Variants in ZBTB9 observed in about 807,000 individuals in gnomAD.
The protein encoded by ZBTB9 is zinc finger and BTB domain containing 9, also known as zinc finger and BTB domain-containing protein 9.
ZBTB9 carries 17 observed loss-of-function variants against 26.3 expected under a neutral mutation model. The ratio of observed to expected loss-of-function variants is 0.65; its 90% CI spans 0.44 to 0.97. The LOEUF is 0.97. Ranked by LOEUF, ZBTB9 falls within the 50% of genes least tolerant of loss-of-function variation. ZBTB9 has a pLI of 0.00. For missense variants in ZBTB9, 510 were observed against 594.2 expected (o/e 0.86, Z 1.47); for synonymous variants, 226 against 234.3 (o/e 0.96, Z 0.32).
At chr6:33,454,261 AG>A (rs1380723786), upstream of ZBTB9, 2 of 152,220 alleles carry the variant, frequency 1.3e-5, no homozygotes, top group African/African-American at 4.8e-5. Flanking sequence ...CGCCCCTCTC[AG>A]GACCTACCGG....
chr6:33,456,193 C>G lies in ZBTB9; in HGVS notation c.1093C>G (p.Gln365Glu). 3.1e-6 allele frequency: 5 copies of G among 1,609,340 alleles called. No homozygotes were observed. The highest frequency in any genetic ancestry group is 4.2e-6 in the Non-Finnish European group (5 of 1,177,840). ...SGGGGPGGAG[Q>E]AVHGPVKLGG... Reference sequence around the variant, plus strand: ...GGGTGGAGGACCTGGGGGAGCAGGCCAGGCCGTGCATGGGCCTGTGAAGCT... The same window carrying G: ...GGGTGGAGGACCTGGGGGAGCAGGCGAGGCCGTGCATGGGCCTGTGAAGCT... Residue 365 changes from glutamine (Q) to glutamate (E), a missense_variant, in exon 2 of 2, where the codon CAG (glutamine) becomes GAG (glutamate). This residue lies in a region of ZBTB9 where 439 missense variants were observed against 460.4 expected (regional missense o/e 0.95). Coordinates refer to ENST00000395064, the MANE Select transcript of ZBTB9 (RefSeq NM_152735.4). The surrounding 1 kb of genome is among the most constrained non-coding windows in gnomAD (Gnocchi z 5.1).
At position 33,455,653 on chromosome 6, in the gene ZBTB9, T is replaced by C. The variant is rs1416774236; in HGVS notation, c.553T>C (p.Ser185Pro). ...CCAGACCCCAGTACAGTCCTCTGCTTCTACTGAAAGCCCTGCTTCCACTGA... is the reference window on the plus strand; with the variant it reads ...CCAGACCCCAGTACAGTCCTCTGCTCCTACTGAAAGCCCTGCTTCCACTGA... Reference protein sequence around the residue: ...PFQTPVQSSASTESPASTESP... With the variant: ...PFQTPVQSSAPTESPASTESP... Residue 185 changes from serine (S) to proline (P), a missense_variant, in exon 2 of 2, where the codon TCT (serine) becomes CCT (proline). Ser to Pro is a moderately conservative substitution (Grantham distance 74). Around this residue, in one of 2 missense-constraint regions of ZBTB9, gnomAD observed 439 missense variants for 460.4 expected, o/e 0.95. Coordinates refer to ENST00000395064, the MANE Select transcript of ZBTB9 (RefSeq NM_152735.4). The C allele has an allele frequency of 6.2e-7, 1 of 1,614,164 alleles. No individual in the cohort carries two copies. The highest frequency in any genetic ancestry group is 1.3e-5 in the African/African-American group (1 of 75,048).
Position 33,455,008 on chromosome 6 carries a change from C to T in ZBTB9, c.-71-22C>T, listed in dbSNP as rs958750579. On this transcript the variant is annotated intron_variant, in intron 1 of 1. Coordinates refer to ENST00000395064, the MANE Select transcript of ZBTB9 (RefSeq NM_152735.4). Reference sequence around the variant, plus strand: ...CTCCCTTTATCCAGGGCTTCTGTGACCTCCATCTTTTTCCTCTGCAGCCTT... The same window carrying T: ...CTCCCTTTATCCAGGGCTTCTGTGATCTCCATCTTTTTCCTCTGCAGCCTT... 6.0e-6 allele frequency: 9 copies of T among 1,503,944 alleles called. No individual in the cohort carries two copies. In the Middle Eastern group the frequency reaches 9.1e-4, roughly 152 times the overall value. 93.2% of individuals were successfully genotyped at this position (1,503,944 alleles called of 1,614,324 possible).
rs1761451495 is a variant in ZBTB9 at position 33,455,040 on chromosome 6, G to T, written c.-61G>T. On this transcript the variant is annotated 5_prime_UTR_variant, in exon 2 of 2. Coordinates refer to ENST00000395064, the MANE Select transcript of ZBTB9 (RefSeq NM_152735.4). ...CTTTTTCCTCTGCAGCCTTCATCCC[G>T]CGTGGAGTCTACCCCCAAGCCCTTC... The T allele has an allele frequency of 7.9e-6, 12 of 1,524,784 alleles. No individual in the cohort carries two copies. In the East Asian group the frequency reaches 1.8e-4, roughly 23 times the overall value. The allele number at this position is 1,524,784 out of a possible 1,614,324, so 94.5% of individuals were successfully genotyped here.
rs1761466276 is a variant in ZBTB9 at position 33,455,509 on chromosome 6, A to C, written c.409A>C (p.Ile137Leu). The C allele has an allele frequency of 1.9e-6, 3 of 1,614,064 alleles. No homozygotes were observed. In the East Asian group the frequency reaches 6.7e-5, roughly 36 times the overall value. ...MWQVVDQCSE[I>L]LRELETSGGG... ...GCAGGTAGTAGATCAGTGCTCAGAAATTCTTAGAGAATTAGAAACTTCAGG... is the reference window on the plus strand; with the variant it reads ...GCAGGTAGTAGATCAGTGCTCAGAACTTCTTAGAGAATTAGAAACTTCAGG... Residue 137 changes from isoleucine to leucine, a missense_variant, in exon 2 of 2, where the codon ATT becomes CTT. Physicochemically the swap from Ile to Leu is conservative, Grantham distance 5. Transcript: ENST00000395064.
At position 33,456,087 on chromosome 6, in the gene ZBTB9, T is replaced by C; in HGVS notation, c.987T>C (p.Pro329=). ...EGNGELGFLL[P]SGPGPTSGGG... The stretch of plus-strand genomic sequence containing the variant: ...ATGGGGAGCTAGGGTTCTTGTTGCC[T>C]TCAGGGCCAGGGCCAACATCTGGGG... The change falls in exon 2 of 2, where the codon CCT becomes CCC. Residue 329 remains proline, a synonymous_variant. Coordinates refer to ENST00000395064, the MANE Select transcript of ZBTB9 (RefSeq NM_152735.4). The surrounding 1 kb of genome is among the most constrained non-coding windows in gnomAD (Gnocchi z 5.1). 6.2e-7 allele frequency: 1 copy of C among 1,613,944 alleles called. No individual in the cohort carries two copies.
At position 33,455,904 on chromosome 6, in the gene ZBTB9, A is replaced by AG. The variant is rs1335817024; in HGVS notation, c.804_805insG (p.Pro269AlafsTer3). The AG allele has an allele frequency of 2.5e-6, 4 of 1,613,166 alleles. No individual in the cohort carries two copies. The highest frequency in any genetic ancestry group is 3.3e-5 in the Admixed American group (2 of 59,904). The stretch of plus-strand genomic sequence containing the variant: ...GAAAGCTTCCAGAGGGTGAGAGTGC[A>AG]CCACTTGAGCTTCCTGCCCCTCCTG... On this transcript the variant is annotated frameshift_variant, in exon 2 of 2. Coordinates refer to ENST00000395064, the MANE Select transcript of ZBTB9 (RefSeq NM_152735.4). LOFTEE classifies it high-confidence loss of function.
chr6:33,453,764 G>A (rs1310175243), upstream of ZBTB9: 1 of 152,050 alleles, frequency 6.6e-6, no homozygotes, highest in Non-Finnish European at 1.5e-5. Flanking sequence ...AAAGGAAGCT[G>A]ACAGCCTGAG....
chr6:33,455,175 C>T lies in ZBTB9; in HGVS notation c.75C>T (p.Ile25=), dbSNP rs753657984. Residue 25 remains isoleucine, a synonymous_variant, in exon 2 of 2, where the codon ATC becomes ATT. Coordinates refer to ENST00000395064, the MANE Select transcript of ZBTB9 (RefSeq NM_152735.4). ...TCNPAPRTIQ[I]EFPQHSSSLL... Reference sequence around the variant, plus strand: ...ACCCAGCCCCACGGACAATCCAGATCGAGTTCCCACAGCATAGCTCGTCTC... The same window carrying T: ...ACCCAGCCCCACGGACAATCCAGATTGAGTTCCCACAGCATAGCTCGTCTC... 5.6e-6 allele frequency: 9 copies of T among 1,613,978 alleles called. No individual in the cohort carries two copies. In the African/African-American group the frequency reaches 9.3e-5, roughly 17 times the overall value.
chr6:33,456,652 C>T lies in ZBTB9; in HGVS notation c.*130C>T. ...CCAAGAGAATAGATACATTATGGAC[C>T]TCTTGTTCTTAGATATGGGCCTCTC... is the stretch of plus-strand genomic sequence containing the variant. On this transcript the variant is annotated 3_prime_UTR_variant, in exon 2 of 2. Transcript: ENST00000395064. This position sits in a 1 kb window ranked among gnomAD's most constrained non-coding sequence, Gnocchi z 5.1. 3 of 1,433,004 alleles carry T rather than the reference C, an allele frequency of 2.1e-6. No individual in the cohort carries two copies. The highest frequency in any genetic ancestry group is 1.4e-5 in the African/African-American group (1 of 70,096). 88.8% of individuals were successfully genotyped at this position (1,433,004 alleles called of 1,614,324 possible). A position where few individuals can be genotyped will look rare whatever the true frequency, so the allele number is the denominator to read the frequency against.
Position 33,455,641 on chromosome 6 carries a change from C to CA in ZBTB9, c.542dup (p.Ser182ValfsTer6). On this transcript the variant is annotated frameshift_variant, in exon 2 of 2. Transcript: ENST00000395064. LOFTEE classifies it high-confidence loss of function. ...CTCTTCGCCTTTCCAGACCCCAGTA[C>CA]AGTCCTCTGCTTCTACTGAAAGCCC... 1 of 1,614,200 alleles carries CA rather than the reference C, an allele frequency of 6.2e-7. No homozygotes were observed. Among genetic ancestry groups the CA allele is most frequent in the Non-Finnish European group, 8.5e-7 (1 of 1,180,014 alleles).
In ZBTB9 at chr6:33,456,322, C is replaced by T. The variant is rs1323271986; in HGVS notation, c.1222C>T (p.Leu408Phe). 6.2e-7 allele frequency: 1 copy of T among 1,614,000 alleles called. No individual in the cohort carries two copies. The highest frequency in any genetic ancestry group is 1.7e-5 in the Admixed American group (1 of 60,024). The stretch of plus-strand genomic sequence containing the variant: ...CCGGCACATCATGCTGACCTTCAGC[C>T]TTCGGCCTTTTGGCTGTGGCATCTG... The part of the protein sequence containing the change: ...RDRHIMLTFS[L>F]RPFGCGICNK... The change falls in exon 2 of 2, where the codon CTT becomes TTT. Residue 408 changes from leucine to phenylalanine, a missense_variant. This residue lies in a region of ZBTB9 where 71 missense variants were observed against 133.8 expected (regional missense o/e 0.53). Coordinates refer to ENST00000395064, the MANE Select transcript of ZBTB9 (RefSeq NM_152735.4). This position sits in a 1 kb window ranked among gnomAD's most constrained non-coding sequence, Gnocchi z 5.1.
In ZBTB9 at chr6:33,456,179, C is replaced by G; in HGVS notation, c.1079C>G (p.Pro360Arg). 3 of 1,607,656 alleles carry G rather than the reference C, an allele frequency of 1.9e-6. No individual in the cohort carries two copies. Among genetic ancestry groups the G allele is most frequent in the Non-Finnish European group, 2.5e-6 (3 of 1,176,846 alleles). ...GNEILSGGGGPGGAGQAVHGP... is the reference protein window; with the variant it reads ...GNEILSGGGGRGGAGQAVHGP... ...GAAATCCTGTCAGGGGGTGGAGGAC[C>G]TGGGGGAGCAGGCCAGGCCGTGCAT... Residue 360 changes from proline to arginine, a missense_variant, in exon 2 of 2, where the codon CCT becomes CGT. This residue lies in a region of ZBTB9 where 439 missense variants were observed against 460.4 expected (regional missense o/e 0.95). Coordinates refer to ENST00000395064, the MANE Select transcript of ZBTB9 (RefSeq NM_152735.4). The surrounding 1 kb of genome is among the most constrained non-coding windows in gnomAD (Gnocchi z 5.1).
Position 33,456,531 on chromosome 6 carries a change from G to A in ZBTB9, c.*9G>A. On this transcript the variant is annotated 3_prime_UTR_variant, in exon 2 of 2. Transcript: ENST00000395064. This position sits in a 1 kb window ranked among gnomAD's most constrained non-coding sequence, Gnocchi z 5.1. The stretch of plus-strand genomic sequence containing the variant: ...ACTGGACTTACAAGTGACTGCTGAG[G>A]CTATACACTAGCTTCTAGAACAAGA... 1 of 1,586,884 alleles carries A rather than the reference G, an allele frequency of 6.3e-7. No homozygotes were observed. Among genetic ancestry groups the A allele is most frequent in the East Asian group, 2.2e-5 (1 of 44,658 alleles).
upstream of ZBTB9, chr6:33,453,497 C>T (rs1761399522): frequency 6.7e-6 from 1 of 149,930 alleles, no homozygotes; most frequent in South Asian, 2.1e-4. Context: ...CCACCCACCA[C>T]CTCAAGGGTA....
rs755218399 is a variant in ZBTB9 at position 33,455,946 on chromosome 6, C to T, written c.846C>T (p.Ile282=). 6.2e-7 allele frequency: 1 copy of T among 1,612,336 alleles called. No individual in the cohort carries two copies. Among genetic ancestry groups the T allele is most frequent in the Non-Finnish European group, 8.5e-7 (1 of 1,179,108 alleles). ...LPAPPALPPK[I]FYIKQEPFEP... ...CCCCTCCTGCACTGCCCCCCAAAAT[C>T]TTCTACATTAAGCAGGAACCCTTCG... The change falls in exon 2 of 2, where the codon ATC becomes ATT. Residue 282 remains isoleucine, a synonymous_variant. Transcript: ENST00000395064.
rs1761473682 is a variant in ZBTB9, at chr6:33,455,769, T to TGAG, written c.672_674dup (p.Glu224dup). On this transcript the variant is annotated inframe_insertion, in exon 2 of 2. Transcript: ENST00000395064. ...AGGAGGAGGAGGAAGATGATGATGA[T>TGAG]GAGGACCAGGGGTCAGCCACACTCT... 4 of 1,612,848 alleles carry TGAG rather than the reference T, an allele frequency of 2.5e-6. No individual in the cohort carries two copies. Among genetic ancestry groups the TGAG allele is most frequent in the Non-Finnish European group, 3.4e-6 (4 of 1,179,318 alleles).
chr6:33,453,587 C>T (rs1452847638), upstream of ZBTB9: 2 of 151,904 alleles, frequency 1.3e-5, no homozygotes, highest in East Asian at 1.9e-4. Context: ...TCTATCCCCC[C>T]TCACTGTCCC....
chr6:33,453,181 C>T (rs1405958565), upstream of ZBTB9: 1 of 152,670 alleles, frequency 6.6e-6, no homozygotes, highest in South Asian at 2.1e-4. Flanking sequence ...CTCTCCTAGA[C>T]TCTACTCCTC....
Sources: gnomAD v4.1 joint callset for allele counts on GRCh38, gnomAD v4.1.1 for gene constraint, gnomAD v4.1.1 regional missense constraint, Gnocchi (gnomAD v3.1) non-coding constraint, MANE v1.5 for transcripts, NCBI Gene and HGNC (gene_info 2026-07-23, HGNC 2026-07-21) for gene names.